The following RNLS variants were observed in gnomAD, a reference collection of about 807,000 sequenced individuals.
RNLS encodes renalase.
A neutral mutation model predicts 39.8 loss-of-function variants in RNLS; 39 were observed. The ratio of observed to expected loss-of-function variants is 0.98; its 90% confidence interval spans 0.76 to 1.28. The LOEUF is 1.28. Ranked by LOEUF, RNLS falls within the 50% of genes most tolerant of loss-of-function variation. The pLI, the probability that RNLS is intolerant of heterozygous loss-of-function variation, is 0.00. For missense variants in RNLS, 410 were observed against 413.3 expected, an observed-to-expected ratio of 0.99 and a Z score of 0.07; for synonymous variants, 147 against 150.7, an observed-to-expected ratio of 0.98 and a Z score of 0.18.
intron 4 of RNLS, among the ~76,000 whole-genome samples, chr10:88,425,599 G>C (rs183441678): frequency 3.7e-3 from 569 of 152,182 alleles, no homozygotes; most frequent in African/African-American, 0.013. Context: ...ATTCCACCTA[G>C]TATGAGGTAC....
intron 5 of RNLS, among the ~76,000 whole-genome samples, chr10:88,339,851 T>G (rs1424352275): frequency 6.6e-6 from 1 of 152,240 alleles, no homozygotes; most frequent in Non-Finnish European, 1.5e-5. Flanking sequence ...TGTATGTATG[T>G]ACTGACACAG....
intron 6 of RNLS, among the ~76,000 whole-genome samples, chr10:88,293,827 A>G (rs1278964815): frequency 2.0e-5 from 3 of 152,218 alleles, no homozygotes; most frequent in Non-Finnish European, 2.9e-5. Context: ...GTGAGCTTTG[A>G]AAACCCATCA....
chr10:88,187,546 C>A, the RNLS span, among the ~76,000 whole-genome samples: 13 of 152,172 alleles, frequency 8.5e-5, no homozygotes, highest in African/African-American at 3.1e-4. Context: ...TTAGCTTTCT[C>A]TTCTGTTGTC....
chr10:88,549,613 G>A (rs571748049), intron 4 of RNLS, among the ~76,000 whole-genome samples: 4 of 151,960 alleles, frequency 2.6e-5, no homozygotes, highest in African/African-American at 4.8e-5. Flanking sequence ...AATAGAACAC[G>A]GTAAAAAAGC....
chr10:88,292,251 C>T (rs2132888367), intron 6 of RNLS, among the ~76,000 whole-genome samples: 1 of 149,832 alleles, frequency 6.7e-6, no homozygotes, highest in African/African-American at 2.5e-5. Context: ...TAGGATGCTG[C>T]CTTTTTCATC....
the RNLS span, among the ~76,000 whole-genome samples, chr10:88,208,758 T>A: frequency 6.6e-6 from 1 of 152,168 alleles, no homozygotes; most frequent in Middle Eastern, 3.4e-3. Context: ...ACTACACAAA[T>A]CTTGGAGAGT....
chr10:88,255,651 T>C, the RNLS span, among the ~76,000 whole-genome samples: 1 of 152,186 alleles, frequency 6.6e-6, no homozygotes, highest in Non-Finnish European at 1.5e-5. Flanking sequence ...TTACGATAAA[T>C]CATTTATCAG....
At chr10:88,396,654 A>T (rs1439272621) in intron 4 of RNLS, among the ~76,000 whole-genome samples, 1 of 151,218 alleles carries the variant, frequency 6.6e-6, no homozygotes, top group African/African-American at 2.4e-5. Flanking sequence ...GAATTACATT[A>T]AATGTAAATT....
At chr10:88,309,739 T>C (rs1260160561) in intron 6 of RNLS, among the ~76,000 whole-genome samples, 1 of 152,118 alleles carries the variant, frequency 6.6e-6, no homozygotes, top group Non-Finnish European at 1.5e-5. Flanking sequence ...ACATGGCTAA[T>C]TGTCAGAGAA....
chr10:88,435,773 C>T (rs1038254884), intron 4 of RNLS, among the ~76,000 whole-genome samples: 3 of 152,024 alleles, frequency 2.0e-5, no homozygotes, highest in Non-Finnish European at 4.4e-5. Flanking sequence ...GAAGAGAAAC[C>T]ATGTATGATC....
intron 4 of RNLS, among the ~76,000 whole-genome samples, chr10:88,514,506 A>G (rs979753526): frequency 6.6e-6 from 1 of 152,114 alleles, no homozygotes; most frequent in African/African-American, 2.4e-5. Flanking sequence ...TGTACAGCCA[A>G]TCTCTAGAAC....
rs1589886406 is a variant in RNLS, at chr10:88,491,059, C to A, written c.526+81844G>T. Among the ~76,000 whole-genome samples, 3 of 152,140 alleles carry A rather than the reference C, an allele frequency of 2.0e-5. No homozygotes were observed. In the East Asian group the frequency reaches 5.8e-4, roughly 29 times the overall value. ...ACAGATTGAGGGGCTTAGAAAATGA[C>A]TCTTGGTCATGGCAAACCTGTGGAT... On this transcript the variant is annotated intron_variant, in intron 4 of 6. Transcript: ENST00000331772.
chr10:88,327,505 C>T (rs938646617), intron 5 of RNLS, among the ~76,000 whole-genome samples: 18 of 152,178 alleles, frequency 1.2e-4, no homozygotes, highest in Admixed American at 8.5e-4. Context: ...TCCCCTTTGC[C>T]TTCTGCCATG....
At chr10:88,538,512 C>T (rs948630131) in intron 4 of RNLS, among the ~76,000 whole-genome samples, 7 of 152,060 alleles carry the variant, frequency 4.6e-5, no homozygotes, top group Non-Finnish European at 7.4e-5. Context: ...TCCAGAAAAG[C>T]GTAAAAGTAA....
chr10:88,485,439 A>G (rs1260293972), intron 4 of RNLS, among the ~76,000 whole-genome samples: 1 of 151,876 alleles, frequency 6.6e-6, no homozygotes, highest in East Asian at 1.9e-4. Context: ...CTGACACTAT[A>G]TATAAGAATT....
intron 4 of RNLS, among the ~76,000 whole-genome samples, chr10:88,449,739 AG>A (rs774446021): frequency 1.8e-4 from 28 of 152,280 alleles, no homozygotes; most frequent in Non-Finnish European, 3.7e-4. Flanking sequence ...AAAAAATGCA[AG>A]GCCATATAAT....
chr10:88,505,309 A>G (rs1019503974), intron 4 of RNLS, among the ~76,000 whole-genome samples: 1 of 151,970 alleles, frequency 6.6e-6, no homozygotes, highest in African/African-American at 2.4e-5. Context: ...AAAGAATAAC[A>G]ATGTATTAAA....
the RNLS span, among the ~76,000 whole-genome samples, chr10:88,239,198 T>C: frequency 6.6e-6 from 1 of 152,162 alleles, no homozygotes; most frequent in African/African-American, 2.4e-5. Flanking sequence ...GGCCAGCACA[T>C]GTCGAGGCCT....
chr10:88,266,737 C>CACT, the RNLS span, among the ~76,000 whole-genome samples: 1 of 141,800 alleles, frequency 7.1e-6, no homozygotes, highest in African/African-American at 2.7e-5. Context: ...ACACACACAC[C>CACT]CCACACACAC....
Sources: allele counts gnomAD v4.1 joint callset (sites outside exome capture counted in the v4.1 genomes callset), GRCh38; gene constraint gnomAD v4.1.1; transcripts MANE v1.5; gene names NCBI Gene and HGNC (gene_info 2026-07-23, HGNC 2026-07-21).